Variants in ARHGAP6 observed in about 807,000 individuals in gnomAD.
The protein encoded by ARHGAP6 is rho GTPase-activating protein 6.
A neutral mutation model predicts 55.7 loss-of-function variants in ARHGAP6; 16 were observed. That is an observed-to-expected ratio of 0.29 (90% CI 0.19 to 0.44). The LOEUF (loss-of-function observed/expected upper bound fraction) is 0.44. Ranked by LOEUF, ARHGAP6 falls within the 20% of genes least tolerant of loss-of-function variation. The pLI, the probability that ARHGAP6 is intolerant of heterozygous loss-of-function variation, is 1.00. For missense variants in ARHGAP6, 698 were observed against 808.9 expected (o/e 0.86, Z 1.66); for synonymous variants, 382 against 360.9 (o/e 1.06, Z -0.66).
intron 1 of ARHGAP6, among the ~76,000 whole-genome samples, chrX:11,548,628 T>TA (rs113353416): frequency 0.37 from 40,875 of 109,730 alleles, 5,955 homozygotes; most frequent in African/African-American, 0.52. Context: ...CTTTTTTTTT[T>TA]TTATTGAGAT....
intron 1 of ARHGAP6, among the ~76,000 whole-genome samples, chrX:11,399,286 C>T (rs1035785978): frequency 9.3e-6 from 1 of 107,248 alleles, no homozygotes; most frequent in Admixed American, 1.0e-4. Context: ...TTATGTGCCT[C>T]CCCCACAAAA....
intron 1 of ARHGAP6, among the ~76,000 whole-genome samples, chrX:11,323,276 T>C (rs1468820687): frequency 1.8e-5 from 2 of 112,465 alleles, no homozygotes; most frequent in African/African-American, 3.2e-5. Flanking sequence ...ATATGCATTA[T>C]GAAAGAACTA....
intron 1 of ARHGAP6, among the ~76,000 whole-genome samples, chrX:11,441,959 AACATATAC>A (rs1206349211): frequency 9.0e-6 from 1 of 110,756 alleles, no homozygotes; most frequent in Non-Finnish European, 1.9e-5. Flanking sequence ...ACATATACGT[AACATATAC>A]ACATATACAG....
chrX:11,615,013 G>T (rs2052146763), intron 1 of ARHGAP6, among the ~76,000 whole-genome samples: 1 of 110,579 alleles, frequency 9.0e-6, no homozygotes, highest in Non-Finnish European at 1.9e-5. Context: ...CTTACTGCTG[G>T]TGGACCCATT....
intron 5 of ARHGAP6, 140 bp from the exon 6 acceptor site, chrX:11,182,258 T>TTCATC (rs1269965079): frequency 7.7e-6 from 3 of 390,449 alleles, no homozygotes; most frequent in Non-Finnish European, 4.4e-6. Context: ...TAATGCTTCT[T>TTCATC]TCATCTCACA....
intron 1 of ARHGAP6, among the ~76,000 whole-genome samples, chrX:11,613,424 G>C (rs1383978604): frequency 2.7e-5 from 3 of 112,097 alleles, no homozygotes; most frequent in African/African-American, 9.7e-5. Context: ...TCTAACTTTA[G>C]GTTTCAGCCT....
intron 1 of ARHGAP6, among the ~76,000 whole-genome samples, chrX:11,611,617 A>G (rs1215624734): frequency 8.9e-6 from 1 of 111,874 alleles, no homozygotes; most frequent in Non-Finnish European, 1.9e-5. Flanking sequence ...CTGAGAAAAA[A>G]AATCTTAAAA....
At chrX:11,450,230 G>GTGTA (rs1471908856) in intron 1 of ARHGAP6, among the ~76,000 whole-genome samples, 9 of 110,614 alleles carry the variant, frequency 8.1e-5, no homozygotes, top group African/African-American at 3.0e-4. Flanking sequence ...GTGTGTGTGT[G>GTGTA]TGTGTGTGTG....
At chrX:11,659,119 G>A in intron 1 of ARHGAP6, among the ~76,000 whole-genome samples, 1 of 111,431 alleles carries the variant, frequency 9.0e-6, no homozygotes, top group Non-Finnish European at 1.9e-5. Flanking sequence ...GTTCAACAGA[G>A]CAAGAAAAAC....
intron 1 of ARHGAP6, among the ~76,000 whole-genome samples, chrX:11,598,927 G>A (rs1299922069): frequency 9.0e-6 from 1 of 110,657 alleles, no homozygotes; most frequent in Non-Finnish European, 1.9e-5. Flanking sequence ...GCATAGTGGG[G>A]CATGCATGTG....
chrX:11,656,112 T>C (rs1005180995), intron 1 of ARHGAP6, among the ~76,000 whole-genome samples: 7 of 112,478 alleles, frequency 6.2e-5, no homozygotes, highest in African/African-American at 2.3e-4. Flanking sequence ...AAAATCTATG[T>C]GGGGAATCTT....
chrX:11,357,587 A>G (rs1022494042), intron 1 of ARHGAP6, among the ~76,000 whole-genome samples: 7 of 111,600 alleles, frequency 6.3e-5, no homozygotes, highest in Non-Finnish European at 1.3e-4. Flanking sequence ...ATTGTATTCA[A>G]ACAGATGTAG....
At chrX:11,546,606 A>G (rs1341803883) in intron 1 of ARHGAP6, among the ~76,000 whole-genome samples, 1 of 111,592 alleles carries the variant, frequency 9.0e-6, no homozygotes, top group African/African-American at 3.3e-5. Flanking sequence ...CACTCTTCCT[A>G]TCTCAATAGA....
intron 3 of ARHGAP6, among the ~76,000 whole-genome samples, chrX:11,194,237 A>G (rs1602833901): frequency 8.9e-6 from 1 of 112,567 alleles, no homozygotes; most frequent in East Asian, 2.8e-4. Flanking sequence ...CATATCAACA[A>G]TTAAATATAA....
intron 1 of ARHGAP6, among the ~76,000 whole-genome samples, chrX:11,509,751 C>A (rs1254033041): frequency 3.6e-5 from 4 of 112,174 alleles, no homozygotes; most frequent in Non-Finnish European, 7.5e-5. Context: ...GTTAGAAAAA[C>A]ATAAGACACT....
intron 1 of ARHGAP6, among the ~76,000 whole-genome samples, chrX:11,415,034 C>CA (rs1453874318): frequency 9.0e-6 from 1 of 111,694 alleles, no homozygotes; most frequent in Non-Finnish European, 1.9e-5. Context: ...GTTCTCACCA[C>CA]AAAAAATAAG....
At chrX:11,331,197 C>T (rs1444395126) in intron 1 of ARHGAP6, among the ~76,000 whole-genome samples, 1 of 111,923 alleles carries the variant, frequency 8.9e-6, no homozygotes, top group Non-Finnish European at 1.9e-5. Context: ...CCTAAGACTC[C>T]TGTTCCAGAC....
chrX:11,295,753 T>G (rs375500894), intron 1 of ARHGAP6, among the ~76,000 whole-genome samples: 19 of 112,108 alleles, frequency 1.7e-4, no homozygotes, highest in African/African-American at 5.8e-4. Flanking sequence ...TCTAAGATGG[T>G]ATTGTTCAAG....
intron 1 of ARHGAP6, among the ~76,000 whole-genome samples, chrX:11,279,683 G>A (rs772733705): frequency 9.1e-6 from 1 of 110,338 alleles, no homozygotes; most frequent in Non-Finnish European, 1.9e-5. Context: ...TAATAATAAA[G>A]ATTATGACTA....
Sources: allele counts gnomAD v4.1 joint callset (sites outside exome capture counted in the v4.1 genomes callset), GRCh38; gene constraint gnomAD v4.1.1; transcripts MANE v1.5; gene names NCBI Gene and HGNC (gene_info 2026-07-23, HGNC 2026-07-21).